Variants in ZNF844 observed in about 807,000 individuals in gnomAD.
ZNF844 encodes the protein zinc finger protein 844.
Under a neutral mutation model 11.4 loss-of-function variants are expected in ZNF844, and 11 were observed. The ratio of observed to expected loss-of-function variants is 0.97; its 90% CI spans 0.61 to 1.60. The LOEUF is 1.60. Ranked by LOEUF, ZNF844 falls within the 40% of genes most tolerant of loss-of-function variation. The pLI is 0.00. For synonymous variants in ZNF844, 248 were observed against 260.3 expected (o/e 0.95, Z 0.46); for missense variants, 790 against 796.8 (o/e 0.99, Z 0.10).
intron 1 of ZNF844, among the ~76,000 whole-genome samples, chr19:12,071,947 G>A (rs1975757879): frequency 6.6e-6 from 1 of 151,398 alleles, no homozygotes; most frequent in South Asian, 2.1e-4. Flanking sequence ...GAGTGCAGTG[G>A]CATGATCTTG....
chr19:12,070,835 CT>C (rs1242641694), intron 1 of ZNF844, among the ~76,000 whole-genome samples: 1 of 152,078 alleles, frequency 6.6e-6, no homozygotes, highest in Non-Finnish European at 1.5e-5. Context: ...ACAATTATAT[CT>C]AAAGAGCAAG....
rs369554060 is a variant in ZNF844 at position 12,076,773 on chromosome 19, A to C, written c.1653A>C (p.Lys551Asn). The change falls in exon 4 of 4, where the codon AAA becomes AAC. Residue 551 changes from lysine (K) to asparagine (N), a missense_variant. Coordinates refer to ENST00000439326, the MANE Select transcript of ZNF844 (RefSeq NM_001136501.3). ...LDLSETFKFM[K>N]RHTLERNPIR... ...TGTCAGAAACCTTCAAATTCATGAA[A>C]AGACACACCCTGGAGAGAAACCCTA... is the stretch of plus-strand genomic sequence containing the variant. 5.7e-4 allele frequency: 909 copies of C among 1,585,806 alleles called. 5 individuals are homozygous for C. In the African/African-American group the frequency reaches 0.011, roughly 19 times the overall value.
intron 1 of ZNF844, among the ~76,000 whole-genome samples, chr19:12,065,982 T>A (rs1207375457): frequency 6.6e-6 from 1 of 151,930 alleles, no homozygotes; most frequent in Non-Finnish European, 1.5e-5. Context: ...CAGGTTGGAG[T>A]GCATGGCGCG....
In ZNF844 at chr19:12,077,029, C is replaced by A. The variant is rs775789315; in HGVS notation, c.1909C>A (p.Leu637Met). ...TTGCGTATACACAAAAGGATGCACACTGGAGAGAAACCATATTAATGTAAG... is the reference window on the plus strand; with the variant it reads ...TTGCGTATACACAAAAGGATGCACAATGGAGAGAAACCATATTAATGTAAG... ...LLCVYTKGCT[L>M]ERNHINVRIV... The change falls in exon 4 of 4, where the codon CTG becomes ATG. Residue 637 changes from leucine (L) to methionine (M), a missense_variant. Transcript: ENST00000439326. 4 of 1,596,976 alleles carry A rather than the reference C, an allele frequency of 2.5e-6. No homozygotes were observed. The Admixed American group carries it at 5.2e-5, about 21-fold the overall frequency.
In ZNF844 at chr19:12,076,043, C is replaced by G. The variant is rs1975810612; in HGVS notation, c.923C>G (p.Ala308Gly). 6.4e-7 allele frequency: 1 copy of G among 1,565,566 alleles called. No homozygotes were observed. The highest frequency in any genetic ancestry group is 1.4e-5 in the African/African-American group (1 of 73,150). The change falls in exon 4 of 4, where the codon GCT becomes GGT. Residue 308 changes from alanine to glycine, a missense_variant. Coordinates refer to ENST00000439326, the MANE Select transcript of ZNF844 (RefSeq NM_001136501.3). ...GAAAGAACTCACAGTGAGGAGAAGG[C>G]TTATGAATGTACCAAATGTGGGAAA... ...IHERTHSEEK[A>G]YECTKCGKAF...
In ZNF844 at chr19:12,076,361, C is replaced by A; in HGVS notation, c.1241C>A (p.Thr414Lys). Residue 414 changes from threonine (T) to lysine (K), a missense_variant, in exon 4 of 4, where the codon ACA (threonine) becomes AAA (lysine). By Grantham distance (78) the Thr-to-Lys change is moderately conservative. Transcript: ENST00000439326. Reference protein sequence around the residue: ...PVPFTIMKGLTLERNPMNVSS... With the variant: ...PVPFTIMKGLKLERNPMNVSS... The stretch of plus-strand genomic sequence containing the variant: ...CCTTTCACTATCATGAAAGGACTCA[C>A]ACTGGAGAGAAACCCTATGAATGTA... The A allele has an allele frequency of 6.2e-7, 1 of 1,610,398 alleles. No individual in the cohort carries two copies. The highest frequency in any genetic ancestry group is 8.5e-7 in the Non-Finnish European group (1 of 1,177,078).
intron 1 of ZNF844, among the ~76,000 whole-genome samples, chr19:12,067,043 A>T (rs1045697590): frequency 6.6e-6 from 1 of 152,158 alleles, no homozygotes; most frequent in Non-Finnish European, 1.5e-5. Context: ...TGAGATTTCC[A>T]TAAAAAATTA....
At chr19:12,072,224 A>G (rs1291866214) in intron 1 of ZNF844, among the ~76,000 whole-genome samples, 1 of 152,218 alleles carries the variant, frequency 6.6e-6, no homozygotes, top group Non-Finnish European at 1.5e-5. Flanking sequence ...CATGGGACAG[A>G]AAGTTATTTT....
At chr19:12,075,272 A>G in intron 3 of ZNF844, 40 bp from the exon 4 acceptor site, 1 of 1,323,384 alleles carries the variant, frequency 7.6e-7, no homozygotes, top group Non-Finnish European at 9.7e-7. Context: ...CAAATCACTT[A>G]TAAACAAACC....
intron 1 of ZNF844, among the ~76,000 whole-genome samples, chr19:12,070,632 A>G (rs1036227537): frequency 6.6e-6 from 1 of 152,204 alleles, no homozygotes; most frequent in Non-Finnish European, 1.5e-5. Flanking sequence ...CAGACATATG[A>G]ATTAGGGTCT....
At chr19:12,067,698 C>T (rs1335813111) in intron 1 of ZNF844, among the ~76,000 whole-genome samples, 2 of 148,016 alleles carry the variant, frequency 1.4e-5, no homozygotes, top group Admixed American at 6.8e-5. Context: ...GGGTGGATCA[C>T]GAGGTCAGGA....
Position 12,076,222 on chromosome 19 carries a change from A to G in ZNF844, c.1102A>G (p.Thr368Ala). The G allele has an allele frequency of 6.2e-7, 1 of 1,602,034 alleles. No homozygotes were observed. Among genetic ancestry groups the G allele is most frequent in the Non-Finnish European group, 8.5e-7 (1 of 1,173,980 alleles). The change falls in exon 4 of 4, where the codon ACT (threonine) becomes GCT (alanine). Residue 368 changes from threonine (T) to alanine (A), a missense_variant. By Grantham distance (58) the Thr-to-Ala change is moderately conservative (BLOSUM62 0). Coordinates refer to ENST00000439326, the MANE Select transcript of ZNF844 (RefSeq NM_001136501.3). ...TAGAATGAGACCTTATAAATGTAAG[A>G]CTGTGGAAAAGCCTTTGATTCTCCC... ...HTRMRPYKCK[T>A]VEKPLILPVR...
In ZNF844 at chr19:12,076,564, G is replaced by T; in HGVS notation, c.1444G>T (p.Val482Leu). Reference protein sequence around the residue: ...KRNPMNVSSVVKPSFFPLPFD... With the variant: ...KRNPMNVSSVLKPSFFPLPFD... Reference sequence around the variant, plus strand: ...AAACCCTATGAATGTAAGCAGTGTGGTAAAGCCTTCATTTTTTCCACTTCC... The same window carrying T: ...AAACCCTATGAATGTAAGCAGTGTGTTAAAGCCTTCATTTTTTCCACTTCC... The change falls in exon 4 of 4, where the codon GTA becomes TTA. Residue 482 changes from valine (V) to leucine (L), a missense_variant. By Grantham distance (32) the Val-to-Leu change is conservative (BLOSUM62 1). Coordinates refer to ENST00000439326, the MANE Select transcript of ZNF844 (RefSeq NM_001136501.3). 6.2e-7 allele frequency: 1 copy of T among 1,608,398 alleles called. No homozygotes were observed. The highest frequency in any genetic ancestry group is 8.5e-7 in the Non-Finnish European group (1 of 1,177,976).
chr19:12,072,093 G>T (rs774376620), intron 1 of ZNF844, among the ~76,000 whole-genome samples: 32 of 151,960 alleles, frequency 2.1e-4, no homozygotes, highest in Non-Finnish European at 4.3e-4. Flanking sequence ...CACCATCTAG[G>T]CCAGGCTGGT....
rs979066063 is a variant in ZNF844, at chr19:12,079,234, A to G, written c.*2113A>G. 3.3e-5 allele frequency: 5 copies of G among 152,216 alleles called. No individual in the cohort carries two copies. The highest frequency in any genetic ancestry group is 1.9e-4 in the East Asian group (1 of 5,200). 9.4% of individuals were successfully genotyped at this position (152,216 alleles called of 1,614,324 possible). ...TGCAAGCAATATGGAAAAGCATTCC[A>G]TTGTATCAGATCCTTTTGTAGCCAT... is the stretch of plus-strand genomic sequence containing the variant. On this transcript the variant is annotated 3_prime_UTR_variant, in exon 4 of 4. Transcript: ENST00000439326.
rs1461424567 is a variant in ZNF844 at position 12,079,246 on chromosome 19, C to T, written c.*2125C>T. On this transcript the variant is annotated 3_prime_UTR_variant, in exon 4 of 4. Transcript: ENST00000439326. ...GGAAAAGCATTCCATTGTATCAGAT[C>T]CTTTTGTAGCCATGAAAGAACTCGC... is the stretch of plus-strand genomic sequence containing the variant. 2 of 152,150 alleles carry T rather than the reference C, an allele frequency of 1.3e-5. No homozygotes were observed. Among genetic ancestry groups the T allele is most frequent in the African/African-American group, 2.4e-5 (1 of 41,432 alleles). 9.4% of individuals were successfully genotyped at this position (152,150 alleles called of 1,614,324 possible).
intron 1 of ZNF844, among the ~76,000 whole-genome samples, chr19:12,071,937 G>T (rs1356669012): frequency 6.6e-6 from 1 of 150,694 alleles, no homozygotes; most frequent in Non-Finnish European, 1.5e-5. Flanking sequence ...ACACAGCCTG[G>T]AGTGCAGTGG....
In ZNF844 at chr19:12,069,421, T is replaced by A. The variant is rs184205313; in HGVS notation, c.3+4545T>A. Among the ~76,000 whole-genome samples the A allele has an allele frequency of 7.2e-3, 1,089 of 151,292 alleles. 11 individuals are homozygous for A. The highest frequency in any genetic ancestry group is 0.01 in the Non-Finnish European group (690 of 67,802). On this transcript the variant is annotated intron_variant, in intron 1 of 3. Transcript: ENST00000439326. ...CTGGTCTCAAACTCCTGACCTCAGG[T>A]GATCCACCCACCTTGGCCTCCCAAA...
In ZNF844 at chr19:12,077,097, C is replaced by T. The variant is rs1975836381; in HGVS notation, c.1977C>T (p.Asp659=). Reference sequence around the variant, plus strand: ...CAGTTTGCCTGGTTCCTTTCGTAGACATAAAAGGGCTCACACTGGAGTGAA... The same window carrying T: ...CAGTTTGCCTGGTTCCTTTCGTAGATATAAAAGGGCTCACACTGGAGTGAA... ...KHSVCLVPFV[D]IKGLTLE is the part of the protein sequence containing the mutation. The change falls in exon 4 of 4, where the codon GAC becomes GAT. Residue 659 remains aspartate (D), a synonymous_variant. Coordinates refer to ENST00000439326, the MANE Select transcript of ZNF844 (RefSeq NM_001136501.3). 5 of 1,596,672 alleles carry T rather than the reference C, an allele frequency of 3.1e-6. No individual in the cohort carries two copies. Among genetic ancestry groups the T allele is most frequent in the African/African-American group, 1.3e-5 (1 of 74,480 alleles).
Sources: allele counts gnomAD v4.1 joint callset (sites outside exome capture counted in the v4.1 genomes callset), GRCh38; gene constraint gnomAD v4.1.1; transcripts MANE v1.5; gene names NCBI Gene and HGNC (gene_info 2026-07-23, HGNC 2026-07-21).